SYCP2: variants seen among roughly 807,000 people sequenced by gnomAD.
SYCP2 encodes synaptonemal complex protein 2, also known as synaptonemal complex lateral element protein.
In SYCP2, 55 loss-of-function variants were observed where a neutral mutation model predicts 211.3. The ratio of observed to expected loss-of-function variants is 0.26; its 90% CI spans 0.21 to 0.33. The LOEUF is 0.33. Ranked by LOEUF, SYCP2 falls within the 10% of genes least tolerant of loss-of-function variation. The pLI is 1.00. For missense variants in SYCP2, 1,731 were observed against 1,752.0 expected, an observed-to-expected ratio of 0.99 and a Z score of 0.21; for synonymous variants, 570 against 555.2, an observed-to-expected ratio of 1.03 and a Z score of -0.37.
chr20:59,906,754 G>A (rs565390976), intron 15 of SYCP2, among the ~76,000 whole-genome samples: 1 of 152,010 alleles, frequency 6.6e-6, no homozygotes, highest in East Asian at 1.9e-4. Context: ...TACAATTTTG[G>A]AGAAAACATA....
At chr20:59,896,562 A>G (rs1459254097) in intron 18 of SYCP2, 34 bp from the exon 19 acceptor site, 3 of 1,145,106 alleles carry the variant, frequency 2.6e-6, no homozygotes, top group South Asian at 2.6e-5. Context: ...CACTGTAAAC[A>G]CAGTCTTTTT....
intron 18 of SYCP2, among the ~76,000 whole-genome samples, chr20:59,899,566 A>G (rs1267691085): frequency 6.6e-6 from 1 of 152,178 alleles, no homozygotes; most frequent in East Asian, 1.9e-4. Context: ...GTATGGAGAG[A>G]AAGTTTTTCT....
chr20:59,919,457 C>T, intron 6 of SYCP2, 36 bp downstream of exon 6: 2 of 1,397,784 alleles, frequency 1.4e-6, no homozygotes. Flanking sequence ...TAAACACATG[C>T]TTTATAAATA....
At chr20:59,879,362 T>C (rs1431634168) in intron 31 of SYCP2, among the ~76,000 whole-genome samples, 3 of 148,610 alleles carry the variant, frequency 2.0e-5, no homozygotes, top group Non-Finnish European at 3.0e-5. Flanking sequence ...CACCTAAATT[T>C]CAAGATTCAG....
chr20:59,876,971 T>C (rs2059572497), intron 33 of SYCP2, among the ~76,000 whole-genome samples: 2 of 152,190 alleles, frequency 1.3e-5, no homozygotes, highest in South Asian at 2.1e-4. Context: ...GGAATGTTTC[T>C]GGACATTATG....
At chr20:59,910,130 CAG>C (rs920629878) in intron 14 of SYCP2, among the ~76,000 whole-genome samples, 4 of 152,020 alleles carry the variant, frequency 2.6e-5, no homozygotes, top group Admixed American at 1.3e-4. Context: ...TATGCCATGT[CAG>C]AGAGACAGAA....
intron 24 of SYCP2, among the ~76,000 whole-genome samples, chr20:59,889,080 T>C (rs184908153): frequency 2.0e-5 from 3 of 152,126 alleles, no homozygotes; most frequent in Admixed American, 1.3e-4. Flanking sequence ...ACATTCCTAG[T>C]TGAAAGAACA....
Position 59,864,362 on chromosome 20 carries a change from G to T in SYCP2, c.4542C>A (p.Arg1514=). The T allele has an allele frequency of 6.2e-7, 1 of 1,603,698 alleles. No individual in the cohort carries two copies. Among genetic ancestry groups the T allele is most frequent in the Non-Finnish European group, 8.5e-7 (1 of 1,175,406 alleles). The change falls in exon 45 of 45, where the codon CGC becomes CGA. Residue 1514 remains arginine (R), a synonymous_variant. Transcript: ENST00000357552. The part of the protein sequence containing the change: ...DMLEEELLNV[R]RELMSVFMSH... Reference sequence around the variant, plus strand: ...ACATGAATACTGACATCAGTTCTCTGCGTACATTAAGAAGCTCCTCTTCTA... The same window carrying T: ...ACATGAATACTGACATCAGTTCTCTTCGTACATTAAGAAGCTCCTCTTCTA...
chr20:59,865,885 TTTA>T lies in SYCP2; in HGVS notation c.4321-23_4321-21del. The T allele has an allele frequency of 9.1e-7, 1 of 1,098,890 alleles. No homozygotes were observed. The highest frequency in any genetic ancestry group is 1.3e-6 in the Non-Finnish European group (1 of 788,466). 68.1% of individuals were successfully genotyped at this position (1,098,890 alleles called of 1,614,324 possible). A position where few individuals can be genotyped will look rare whatever the true frequency, so the allele number is the denominator to read the frequency against. On this transcript the variant is annotated intron_variant, in intron 41 of 44. Coordinates refer to ENST00000357552, the MANE Select transcript of SYCP2 (RefSeq NM_014258.4). ...AAAGTCCTAAATTAATTAATAAAAT[TTTA>T]TTTAGTCCTAAATATTTTAGTCCTA... is the stretch of plus-strand genomic sequence containing the variant.
intron 31 of SYCP2, among the ~76,000 whole-genome samples, chr20:59,880,033 A>G (rs748109401): frequency 4.0e-5 from 6 of 151,146 alleles, no homozygotes; most frequent in Admixed American, 3.3e-4. Flanking sequence ...AAATAACTGG[A>G]TAATACTGGG....
chr20:59,886,621 C>G (rs1473075319), intron 25 of SYCP2, 86 bp downstream of exon 25: 6 of 975,412 alleles, frequency 6.2e-6, no homozygotes, highest in Non-Finnish European at 2.9e-6. Context: ...TTATCTGAAC[C>G]TATGTTTAAA....
intron 2 of SYCP2, among the ~76,000 whole-genome samples, chr20:59,923,011 G>A (rs2060569653): frequency 6.6e-6 from 1 of 151,886 alleles, no homozygotes; most frequent in Non-Finnish European, 1.5e-5. Flanking sequence ...CTGAAATTAA[G>A]GTGAGGACCT....
intron 2 of SYCP2, among the ~76,000 whole-genome samples, chr20:59,922,809 A>C (rs1449988368): frequency 2.0e-5 from 3 of 151,872 alleles, no homozygotes; most frequent in African/African-American, 4.8e-5. Flanking sequence ...AGGAAAAAAA[A>C]AAACTCTTGA....
intron 31 of SYCP2, 123 bp downstream of exon 31, chr20:59,880,180 C>T: frequency 1.4e-6 from 1 of 731,068 alleles, no homozygotes; most frequent in South Asian, 2.2e-5. Context: ...AGTGTTTTGT[C>T]CTATCCATGA....
Position 59,920,506 on chromosome 20 carries a change from A to G in SYCP2, c.169-19T>C. ...TAAGTTCCTGAAATAAAAGGTATAC[A>G]TTAAAATTTCTGTAAACACAAAACA... On this transcript the variant is annotated intron_variant, in intron 4 of 44. Transcript: ENST00000357552. 3 of 1,564,520 alleles carry G rather than the reference A, an allele frequency of 1.9e-6. No individual in the cohort carries two copies. Among genetic ancestry groups the G allele is most frequent in the East Asian group, 2.3e-5 (1 of 43,484 alleles).
At chr20:59,928,223 T>C (rs959353356) in intron 2 of SYCP2, among the ~76,000 whole-genome samples, 1 of 152,210 alleles carries the variant, frequency 6.6e-6, no homozygotes, top group East Asian at 1.9e-4. Flanking sequence ...AACATAAATA[T>C]CTACAGTGTT....
chr20:59,867,782 C>T lies in SYCP2; in HGVS notation c.4054G>A (p.Glu1352Lys). ...FSIPWETWQN[E>K]FAGIEMTYET... The stretch of plus-strand genomic sequence containing the variant: ...TAAGTCATCTCTATCCCTGCAAATT[C>T]ATTTTGCCAGGTCTCCCAAGGAATA... The change falls in exon 39 of 45, where the codon GAA (glutamate) becomes AAA (lysine). Residue 1352 changes from glutamate (E) to lysine (K), a missense_variant. Around this residue, in one of 3 missense-constraint regions of SYCP2, gnomAD observed 1,387 missense variants for 1,351.3 expected, o/e 1.03. Transcript: ENST00000357552. The T allele has an allele frequency of 6.2e-7, 1 of 1,609,018 alleles. No individual in the cohort carries two copies. The highest frequency in any genetic ancestry group is 8.5e-7 in the Non-Finnish European group (1 of 1,176,360).
chr20:59,893,304 C>T (rs551757747), intron 21 of SYCP2, 105 bp from the exon 22 acceptor site: 34 of 816,902 alleles, frequency 4.2e-5, no homozygotes, highest in African/African-American at 1.2e-4. Flanking sequence ...TTGGGATGAA[C>T]GGATTGATCG....
chr20:59,867,029 A>AAAG (rs1555867004), intron 39 of SYCP2, among the ~76,000 whole-genome samples: 28 of 141,584 alleles, frequency 2.0e-4, no homozygotes, highest in African/African-American at 7.5e-4. Context: ...AAAAAAAAAA[A>AAAG]AAAAAAGAAA....
Sources: gnomAD v4.1 joint callset for allele counts (sites outside exome capture counted in the v4.1 genomes callset) on GRCh38, gnomAD v4.1.1 for gene constraint, gnomAD v4.1.1 regional missense constraint, MANE v1.5 for transcripts, NCBI Gene and HGNC (gene_info 2026-07-23, HGNC 2026-07-21) for gene names.